Variants in PTPRO observed in about 807,000 individuals in gnomAD.
PTPRO encodes receptor-type tyrosine-protein phosphatase O.
In PTPRO, 62 loss-of-function variants were observed where a neutral mutation model predicts 145.2. The observed-to-expected ratio is 0.43, with a 90% confidence interval of 0.35 to 0.53. The LOEUF (loss-of-function observed/expected upper bound fraction) is 0.53. PTPRO is among the 20% of genes least tolerant of loss of function. The pLI, the probability that PTPRO is intolerant of heterozygous loss-of-function variation, is 0.01. For missense variants in PTPRO, 1,345 were observed against 1,482.7 expected (o/e 0.91, Z 1.53); for synonymous variants, 565 against 514.7 (o/e 1.10, Z -1.32).
At chr12:15,415,037 T>C (rs1027174093) in intron 1 of PTPRO, among the ~76,000 whole-genome samples, 1 of 152,196 alleles carries the variant, frequency 6.6e-6, no homozygotes, top group African/African-American at 2.4e-5. Context: ...AAGTATTTCA[T>C]GCATGGGACG....
chr12:15,490,079 A>T (rs1293378660), intron 2 of PTPRO, among the ~76,000 whole-genome samples: 1 of 152,190 alleles, frequency 6.6e-6, no homozygotes, highest in Non-Finnish European at 1.5e-5. Flanking sequence ...TTTAACCTAT[A>T]AGTGATGAGG....
chr12:15,337,063 A>G (rs745835665), intron 1 of PTPRO, among the ~76,000 whole-genome samples: 2 of 152,232 alleles, frequency 1.3e-5, no homozygotes, highest in Non-Finnish European at 2.9e-5. Flanking sequence ...TTTCCTTTCC[A>G]GTTGTGGAGC....
At chr12:15,532,110 G>A (rs1454345102) in intron 12 of PTPRO, among the ~76,000 whole-genome samples, 2 of 152,076 alleles carry the variant, frequency 1.3e-5, no homozygotes, top group Non-Finnish European at 2.9e-5. Flanking sequence ...ATAGGTCACT[G>A]AGTCTTAAAT....
chr12:15,482,241 A>G (rs532893686), intron 1 of PTPRO, among the ~76,000 whole-genome samples: 2 of 152,096 alleles, frequency 1.3e-5, no homozygotes, highest in Non-Finnish European at 2.9e-5. Flanking sequence ...ATTTGCAACC[A>G]CATAGATGAA....
chr12:15,557,743 A>G (rs1003110377), intron 16 of PTPRO, among the ~76,000 whole-genome samples: 1 of 151,892 alleles, frequency 6.6e-6, no homozygotes, highest in African/African-American at 2.4e-5. Flanking sequence ...CTCTGTATTT[A>G]CAATACTAAA....
At chr12:15,555,804 A>T (rs1475126042) in intron 15 of PTPRO, among the ~76,000 whole-genome samples, 1 of 152,246 alleles carries the variant, frequency 6.6e-6, no homozygotes, top group East Asian at 1.9e-4. Flanking sequence ...TGTGCCTAAA[A>T]TAAAATACAT....
At position 15,503,983 on chromosome 12, in the gene PTPRO, A is replaced by G. The variant is rs1363563456; in HGVS notation, c.1181A>G (p.Tyr394Cys). The change falls in exon 6 of 27, where the codon TAT (tyrosine) becomes TGT (cysteine). Residue 394 changes from tyrosine (Y) to cysteine (C), a missense_variant. By Grantham distance (194) the Tyr-to-Cys change is radical (BLOSUM62 -2). This residue lies in a region of PTPRO where 1,130 missense variants were observed against 1,214.7 expected (regional missense o/e 0.93). Coordinates refer to ENST00000281171, the MANE Select transcript of PTPRO (RefSeq NM_030667.3). The stretch of plus-strand genomic sequence containing the variant: ...GCAGAACTGAAGGAACCTGGGAAAT[A>G]TAAGTTATCTGTGACAACCTTTAGT... ...FVAELKEPGK[Y>C]KLSVTTFSSS... 2 of 1,607,438 alleles carry G rather than the reference A, an allele frequency of 1.2e-6. No individual in the cohort carries two copies. The highest frequency in any genetic ancestry group is 1.7e-4 in the Middle Eastern group (1 of 6,044).
intron 1 of PTPRO, among the ~76,000 whole-genome samples, chr12:15,398,428 G>A (rs1939402037): frequency 6.6e-6 from 1 of 150,616 alleles, no homozygotes; most frequent in African/African-American, 2.4e-5. Flanking sequence ...GAAAACAGAC[G>A]TGTTCCAATT....
chr12:15,491,130 C>T (rs35049669), intron 2 of PTPRO, among the ~76,000 whole-genome samples: 27,677 of 152,060 alleles, frequency 0.18, 3,075 homozygotes, highest in South Asian at 0.3. Flanking sequence ...ATCATCTATG[C>T]ACCAAACAGC....
chr12:15,580,323 C>A (rs893304803), intron 21 of PTPRO, among the ~76,000 whole-genome samples: 1 of 152,168 alleles, frequency 6.6e-6, no homozygotes, highest in African/African-American at 2.4e-5. Context: ...TTATAAAGGT[C>A]CAGTGAAAGG....
intron 1 of PTPRO, among the ~76,000 whole-genome samples, chr12:15,379,464 G>C (rs1403743084): frequency 2.1e-5 from 3 of 146,016 alleles, no homozygotes; most frequent in East Asian, 4.1e-4. Flanking sequence ...ACAGGAGGTG[G>C]AGATTGCAGT....
chr12:15,328,611 T>C (rs1055610564), intron 1 of PTPRO, among the ~76,000 whole-genome samples: 1 of 152,148 alleles, frequency 6.6e-6, no homozygotes, highest in East Asian at 1.9e-4. Context: ...AGAGCGGTAT[T>C]GCAAATTATG....
chr12:15,447,185 T>C (rs1340130054), intron 1 of PTPRO, among the ~76,000 whole-genome samples: 2 of 152,066 alleles, frequency 1.3e-5, no homozygotes, highest in African/African-American at 4.8e-5. Flanking sequence ...ACAAGTGAAA[T>C]AGAATAACAA....
rs563641212 is a variant in PTPRO, at chr12:15,556,827, A to G, written c.2559-628A>G. 5.0e-4 allele frequency among the ~76,000 whole-genome samples: 76 copies of G among 152,298 alleles called. 1 individual carries two copies. The South Asian group carries it at 0.015, about 30-fold the overall frequency. ...ACTATTAAAGGCTTTGTAAAAAAAT[A>G]AATAAATATTATACCCCAAATAGTT... On this transcript the variant is annotated intron_variant, in intron 15 of 26. Transcript: ENST00000281171.
At chr12:15,528,772 A>C (rs1361593204) in intron 12 of PTPRO, among the ~76,000 whole-genome samples, 1 of 152,234 alleles carries the variant, frequency 6.6e-6, no homozygotes, top group East Asian at 1.9e-4. Flanking sequence ...AAGATCCTGA[A>C]AGCATCAAGA....
intron 12 of PTPRO, among the ~76,000 whole-genome samples, chr12:15,528,817 T>C (rs990926351): frequency 2.6e-5 from 4 of 152,006 alleles, no homozygotes; most frequent in African/African-American, 9.7e-5. Context: ...CAAGCTGCAA[T>C]TCACCTGGCA....
chr12:15,417,656 C>G (rs949660716), intron 1 of PTPRO, among the ~76,000 whole-genome samples: 2 of 151,632 alleles, frequency 1.3e-5, no homozygotes, highest in Non-Finnish European at 2.9e-5. Context: ...AGAAGCTACT[C>G]TAATGAGTAC....
At chr12:15,489,002 A>G (rs1941946532) in intron 2 of PTPRO, among the ~76,000 whole-genome samples, 1 of 152,196 alleles carries the variant, frequency 6.6e-6, no homozygotes, top group Non-Finnish European at 1.5e-5. Context: ...ATTAAAGAAT[A>G]CACATAGAGA....
At chr12:15,482,466 TA>T (rs931234764) in intron 1 of PTPRO, among the ~76,000 whole-genome samples, 30 of 152,066 alleles carry the variant, frequency 2.0e-4, no homozygotes, top group African/African-American at 6.5e-4. Context: ...TATAGTACTA[TA>T]GGGGGACTAT....
Sources: allele counts gnomAD v4.1 joint callset (sites outside exome capture counted in the v4.1 genomes callset), GRCh38; gene constraint gnomAD v4.1.1; regional missense constraint gnomAD v4.1.1; transcripts MANE v1.5; gene names NCBI Gene and HGNC (gene_info 2026-07-23, HGNC 2026-07-21).